TJP3: variants seen among roughly 807,000 people sequenced by gnomAD.
The protein encoded by TJP3 is tight junction protein ZO-3.
A neutral mutation model predicts 104.2 loss-of-function variants in TJP3; 85 were observed. The observed-to-expected ratio is 0.82, with a 90% CI of 0.68 to 0.98. TJP3 has a LOEUF of 0.98. Ranked by LOEUF, TJP3 falls within the 50% of genes least tolerant of loss-of-function variation. The pLI, the probability that TJP3 is intolerant of heterozygous loss-of-function variation, is 0.00. For missense variants in TJP3, 1,367 were observed against 1,322.8 expected, an observed-to-expected ratio of 1.03 and a Z score of -0.52; for synonymous variants, 550 against 550.6, an observed-to-expected ratio of 1.00 and a Z score of 0.02.
At chr19:3,718,844 T>C (rs935087077) in intron 1 of TJP3, among the ~76,000 whole-genome samples, 2 of 152,072 alleles carry the variant, frequency 1.3e-5, no homozygotes, top group Non-Finnish European at 1.5e-5. Context: ...TAGGGAATGA[T>C]GTGTTTTTCT....
intron 11 of TJP3, among the ~76,000 whole-genome samples, chr19:3,736,736 G>A (rs375567026): frequency 1.1e-3 from 160 of 151,900 alleles, no homozygotes; most frequent in African/African-American, 3.8e-3. Flanking sequence ...CACCACGCCC[G>A]GCTAATTTTT....
chr19:3,746,188 A>T lies in TJP3; in HGVS notation c.2010+107A>T, dbSNP rs991661384. 1 of 1,150,706 alleles carries T rather than the reference A, an allele frequency of 8.7e-7. No homozygotes were observed. Among genetic ancestry groups the T allele is most frequent in the Non-Finnish European group, 1.3e-6 (1 of 793,056 alleles). The allele number at this position is 1,150,706 out of a possible 1,614,324, so 71.3% of individuals were successfully genotyped here. On this transcript the variant is annotated intron_variant, in intron 16 of 20. Transcript: ENST00000541714. The surrounding 1 kb of genome is among the most constrained non-coding windows in gnomAD (Gnocchi z 4.1). ...TTCTCAGCCCACACCCCACAAGTGC[A>T]GTCTTCCATAGAGCCCCTTTTGGAG...
chr19:3,715,337 C>T (rs2036468205), intron 1 of TJP3, among the ~76,000 whole-genome samples: 1 of 152,138 alleles, frequency 6.6e-6, no homozygotes, highest in Non-Finnish European at 1.5e-5. Context: ...GATCCGCCCG[C>T]CTCGGCCTCC....
Position 3,750,786 on chromosome 19 carries a change from C to A in TJP3, c.*102C>A. On this transcript the variant is annotated 3_prime_UTR_variant, in exon 21 of 21. Transcript: ENST00000541714. ...ACAACCTTACCTCCCTCCGCCTGGT[C>A]TTTAATAAACAGAGTATTTTCACAG... 9.1e-7 allele frequency: 1 copy of A among 1,098,452 alleles called. No individual in the cohort carries two copies. The highest frequency in any genetic ancestry group is 1.4e-5 in the South Asian group (1 of 71,636). The allele number at this position is 1,098,452 out of a possible 1,614,324, so 68.0% of individuals were successfully genotyped here. A position where few individuals can be genotyped will look rare whatever the true frequency, so the allele number is the denominator to read the frequency against.
Position 3,714,428 on chromosome 19 carries a change from T to C in TJP3, c.-10+5867T>C, listed in dbSNP as rs148721145. Among the ~76,000 whole-genome samples the C allele has an allele frequency of 7.3e-3, 1,097 of 150,798 alleles. 12 individuals are homozygous for C. Among genetic ancestry groups the C allele is most frequent in the African/African-American group, 0.025 (1,036 of 41,204 alleles). On this transcript the variant is annotated intron_variant, in intron 1 of 20. Coordinates refer to ENST00000541714, the MANE Select transcript of TJP3 (RefSeq NM_001267560.2). ...CTCCCGACCTCGTGATCCACCCGCG[T>C]TGGCCTCCCAAAGTGCTGGGATTAC...
Position 3,730,342 on chromosome 19 carries a change from C to A in TJP3, c.262-13C>A. ...TGCCTGTAGCTGACCCTTCCTGTCC[C>A]CTCCTCTAACAGACAGTGAAACGTC... On this transcript the variant is annotated splice_polypyrimidine_tract_variant and intron_variant, in intron 4 of 20. Coordinates refer to ENST00000541714, the MANE Select transcript of TJP3 (RefSeq NM_001267560.2). This position sits in a 1 kb window ranked among gnomAD's most constrained non-coding sequence, Gnocchi z 7.3. 6.6e-7 allele frequency: 1 copy of A among 1,507,158 alleles called. No individual in the cohort carries two copies. Among genetic ancestry groups the A allele is most frequent in the South Asian group, 1.3e-5 (1 of 75,584 alleles). 93.4% of individuals were successfully genotyped at this position (1,507,158 alleles called of 1,614,324 possible).
intron 19 of TJP3, chr19:3,749,747 A>T (rs2036965305): frequency 4.2e-6 from 1 of 240,618 alleles, no homozygotes. Flanking sequence ...AAAATCTATG[A>T]ATCAATGACA....
chr19:3,732,194 A>G (rs2036680469), intron 6 of TJP3, among the ~76,000 whole-genome samples, 156 bp downstream of exon 6: 1 of 152,186 alleles, frequency 6.6e-6, no homozygotes, highest in African/African-American at 2.4e-5. Flanking sequence ...ATGGCCAGGC[A>G]TAAAACCCCC....
At chr19:3,741,242 C>T (rs1316782172) in intron 14 of TJP3, among the ~76,000 whole-genome samples, 2 of 152,026 alleles carry the variant, frequency 1.3e-5, no homozygotes, top group Non-Finnish European at 2.9e-5. Context: ...ACCTCACGAT[C>T]CACCCGCTTC....
At chr19:3,712,864 G>A (rs558654365) in intron 1 of TJP3, among the ~76,000 whole-genome samples, 80 of 151,638 alleles carry the variant, frequency 5.3e-4, no homozygotes, top group African/African-American at 1.8e-3. Flanking sequence ...TGGGAGGATC[G>A]CTTGAGCCCA....
At chr19:3,715,186 T>A (rs2036466119) in intron 1 of TJP3, among the ~76,000 whole-genome samples, 1 of 150,894 alleles carries the variant, frequency 6.6e-6, no homozygotes, top group Non-Finnish European at 1.5e-5. Flanking sequence ...GCCTCCCGGG[T>A]TCACGCCATT....
rs1371008525 is a variant in TJP3 at position 3,730,178 on chromosome 19, G to C, written c.261+48G>C. ...GGCCAGCATCTCTGACCCCAGCCTGGGTCGTGCCGCTGTGGGGGTTGTAAG... is the reference window on the plus strand; with the variant it reads ...GGCCAGCATCTCTGACCCCAGCCTGCGTCGTGCCGCTGTGGGGGTTGTAAG... On this transcript the variant is annotated intron_variant, in intron 4 of 20. Coordinates refer to ENST00000541714, the MANE Select transcript of TJP3 (RefSeq NM_001267560.2). The surrounding 1 kb of genome is among the most constrained non-coding windows in gnomAD (Gnocchi z 7.3). 3 of 1,592,934 alleles carry C rather than the reference G, an allele frequency of 1.9e-6. No individual in the cohort carries two copies. In the South Asian group the frequency reaches 3.3e-5, roughly 18 times the overall value.
rs769959857 is a variant in TJP3, at chr19:3,736,295, A to G, written c.1258A>G (p.Ile420Val). Residue 420 changes from isoleucine (I) to valine (V), a missense_variant, in exon 11 of 21, where the codon ATC becomes GTC. By Grantham distance (29) the Ile-to-Val change is conservative. Transcript: ENST00000541714. ...QAGSPADGQG[I>V]QEGDQILQVN... ...GGGCAGCCCGGCCGACGGGCAGGGC[A>G]TCCAGGAGGGAGATCAGATTCTGCA... 83 of 1,538,698 alleles carry G rather than the reference A, an allele frequency of 5.4e-5. No homozygotes were observed. Among genetic ancestry groups the G allele is most frequent in the Non-Finnish European group, 5.7e-5 (65 of 1,144,794 alleles).
At chr19:3,744,201 C>T (rs767956506) in intron 15 of TJP3, among the ~76,000 whole-genome samples, 167 bp downstream of exon 15, 1 of 152,176 alleles carries the variant, frequency 6.6e-6, no homozygotes, top group Non-Finnish European at 1.5e-5. Flanking sequence ...ATCTTGGCAC[C>T]GTTTGTCTGG....
At chr19:3,737,378 T>C (rs1386093516) in intron 11 of TJP3, among the ~76,000 whole-genome samples, 1 of 152,084 alleles carries the variant, frequency 6.6e-6, no homozygotes, top group Non-Finnish European at 1.5e-5. Flanking sequence ...GTCTTGTATG[T>C]CCTAATCGTG....
chr19:3,741,281 G>A (rs1432669810), intron 14 of TJP3, among the ~76,000 whole-genome samples: 3 of 152,052 alleles, frequency 2.0e-5, no homozygotes, highest in South Asian at 2.1e-4. Context: ...GATTACAGGC[G>A]TGAGCCACCA....
At chr19:3,716,623 C>G (rs935684521) in intron 1 of TJP3, among the ~76,000 whole-genome samples, 5 of 146,220 alleles carry the variant, frequency 3.4e-5, no homozygotes, top group African/African-American at 1.2e-4. Flanking sequence ...CTTTAACCCA[C>G]TTATTTCTTT....
At chr19:3,744,437 G>C (rs961107243) in intron 15 of TJP3, among the ~76,000 whole-genome samples, 1 of 152,016 alleles carries the variant, frequency 6.6e-6, no homozygotes, top group Non-Finnish European at 1.5e-5. Flanking sequence ...AGTCCGAGGC[G>C]GGTGGATCAC....
intron 1 of TJP3, among the ~76,000 whole-genome samples, chr19:3,727,807 C>T (rs2036616376): frequency 6.6e-6 from 1 of 151,938 alleles, no homozygotes; most frequent in African/African-American, 2.4e-5. Context: ...CCCAGCTACT[C>T]AGGAGGCCAG....
Sources: allele counts gnomAD v4.1 joint callset (sites outside exome capture counted in the v4.1 genomes callset), GRCh38; gene constraint gnomAD v4.1.1; non-coding constraint Gnocchi (gnomAD v3.1); transcripts MANE v1.5; gene names NCBI Gene and HGNC (gene_info 2026-07-23, HGNC 2026-07-21).